Variants in NELL1 observed in about 807,000 individuals in gnomAD.
The protein encoded by NELL1 is neural EGFL like 1, also known as protein kinase C-binding protein NELL1.
NELL1 carries 76 observed loss-of-function variants against 107.4 expected under a neutral mutation model. That is an observed-to-expected ratio of 0.71 (90% CI 0.59 to 0.86). The LOEUF (loss-of-function observed/expected upper bound fraction) is 0.86, where lower values mean the gene tolerates loss of function less well. Among genes scored for constraint, NELL1 ranks in the 40% least tolerant of loss-of-function variants. The probability of loss-of-function intolerance (pLI) is 0.00; values close to 1 mark genes in which losing one functional copy is unlikely to be tolerated. For missense variants in NELL1, 1,024 were observed against 1,005.5 expected (o/e 1.02, Z -0.25); for synonymous variants, 353 against 341.2 (o/e 1.03, Z -0.38).
At chr11:21,471,050 A>G (rs1350249964) in intron 15 of NELL1, among the ~76,000 whole-genome samples, 2 of 152,142 alleles carry the variant, frequency 1.3e-5, no homozygotes, top group Non-Finnish European at 2.9e-5. Flanking sequence ...AATCCTTTTA[A>G]GACCACAGCA....
intron 12 of NELL1, among the ~76,000 whole-genome samples, chr11:21,105,403 T>TC (rs1271441085): frequency 5.3e-5 from 8 of 152,118 alleles, no homozygotes; most frequent in African/African-American, 1.9e-4. Context: ...GGTGTTTACG[T>TC]CACACTCAAG....
At chr11:20,836,436 T>C (rs538597296) in intron 3 of NELL1, among the ~76,000 whole-genome samples, 4 of 152,110 alleles carry the variant, frequency 2.6e-5, no homozygotes, top group Admixed American at 6.5e-5. Context: ...AATCAAGGAA[T>C]TGCACTTCTA....
At chr11:20,747,454 A>C (rs1856030018) in intron 2 of NELL1, among the ~76,000 whole-genome samples, 1 of 152,200 alleles carries the variant, frequency 6.6e-6, no homozygotes, top group African/African-American at 2.4e-5. Flanking sequence ...CAGATGTCTT[A>C]GTCCATTTTC....
At chr11:21,248,744 G>A (rs1303254195) in intron 14 of NELL1, among the ~76,000 whole-genome samples, 2 of 152,156 alleles carry the variant, frequency 1.3e-5, no homozygotes, top group Non-Finnish European at 2.9e-5. Flanking sequence ...TATGGATTTA[G>A]CATTGGAACT....
intron 13 of NELL1, among the ~76,000 whole-genome samples, chr11:21,201,499 T>A (rs1325690801): frequency 6.6e-6 from 1 of 152,230 alleles, no homozygotes; most frequent in Non-Finnish European, 1.5e-5. Context: ...TTTGCAGAAG[T>A]TGTTTATCAG....
chr11:21,327,798 G>A (rs1850179437), intron 14 of NELL1, among the ~76,000 whole-genome samples: 1 of 152,146 alleles, frequency 6.6e-6, no homozygotes, highest in African/African-American at 2.4e-5. Flanking sequence ...GGTCTCGGAT[G>A]GAGATGAGGA....
intron 14 of NELL1, among the ~76,000 whole-genome samples, chr11:21,349,799 C>T (rs1013664126): frequency 6.6e-6 from 1 of 152,066 alleles, no homozygotes; most frequent in Non-Finnish European, 1.5e-5. Context: ...GAACATAAGT[C>T]TGAGATCCTA....
intron 12 of NELL1, among the ~76,000 whole-genome samples, chr11:21,020,650 A>G (rs1852676119): frequency 1.3e-5 from 2 of 152,014 alleles, no homozygotes; most frequent in South Asian, 2.1e-4. Context: ...CTGTCTCCCC[A>G]ACTGGTATCA....
intron 13 of NELL1, among the ~76,000 whole-genome samples, chr11:21,226,120 A>G (rs1269774263): frequency 1.3e-5 from 2 of 152,132 alleles, no homozygotes; most frequent in African/African-American, 4.8e-5. Context: ...AGAAAATGGT[A>G]TTTTCTTTGG....
chr11:21,243,830 G>A (rs1033434289), intron 14 of NELL1, among the ~76,000 whole-genome samples: 1 of 151,184 alleles, frequency 6.6e-6, no homozygotes. Context: ...TTCAGTGTAG[G>A]TTTAAATTAA....
intron 2 of NELL1, among the ~76,000 whole-genome samples, chr11:20,696,637 G>A (rs1371046809): frequency 6.6e-6 from 1 of 152,010 alleles, no homozygotes; most frequent in Non-Finnish European, 1.5e-5. Flanking sequence ...CTTATGTTTT[G>A]TTTGTGCCTG....
At chr11:20,951,952 G>C (rs1008051872) in intron 11 of NELL1, among the ~76,000 whole-genome samples, 2 of 151,862 alleles carry the variant, frequency 1.3e-5, no homozygotes, top group Admixed American at 6.6e-5. Context: ...GTGTGCACTG[G>C]AATAACATCT....
At chr11:21,377,582 C>CT (rs1283101056) in intron 15 of NELL1, among the ~76,000 whole-genome samples, 3 of 151,920 alleles carry the variant, frequency 2.0e-5, no homozygotes, top group South Asian at 2.1e-4. Flanking sequence ...GGAAGAGTCC[C>CT]TTTTTTTGAT....
At chr11:21,222,377 T>C (rs1274206736) in intron 13 of NELL1, among the ~76,000 whole-genome samples, 2 of 151,498 alleles carry the variant, frequency 1.3e-5, no homozygotes, top group African/African-American at 4.8e-5. Flanking sequence ...TTTTTTTTTT[T>C]AGTAGAGACG....
chr11:21,458,484 C>T (rs1853807778), intron 15 of NELL1, among the ~76,000 whole-genome samples: 1 of 151,930 alleles, frequency 6.6e-6, no homozygotes, highest in African/African-American at 2.4e-5. Context: ...ACAAAGAAGG[C>T]ACAATTAAAT....
intron 14 of NELL1, among the ~76,000 whole-genome samples, chr11:21,355,378 G>C (rs913127184): frequency 6.6e-6 from 1 of 152,198 alleles, no homozygotes; most frequent in Non-Finnish European, 1.5e-5. Context: ...CACTCACTAT[G>C]GGTGGGCACT....
chr11:21,204,393 G>C (rs1857343243), intron 13 of NELL1, among the ~76,000 whole-genome samples: 1 of 151,432 alleles, frequency 6.6e-6, no homozygotes, highest in African/African-American at 2.4e-5. Context: ...TCTTCTGCTT[G>C]ATCTATTCAG....
intron 5 of NELL1, among the ~76,000 whole-genome samples, chr11:20,909,791 A>G (rs1850084375): frequency 6.6e-6 from 1 of 152,048 alleles, no homozygotes. Flanking sequence ...TGTGCCCAGG[A>G]CAGTTTTCAT....
chr11:21,126,724 A>G (rs193062909), intron 13 of NELL1, among the ~76,000 whole-genome samples: 7 of 152,292 alleles, frequency 4.6e-5, no homozygotes, highest in African/African-American at 1.7e-4. Context: ...GCACCTTAAG[A>G]TACATTTGGA....
Sources: allele counts gnomAD v4.1 joint callset (sites outside exome capture counted in the v4.1 genomes callset), GRCh38; gene constraint gnomAD v4.1.1; transcripts MANE v1.5; gene names NCBI Gene and HGNC (gene_info 2026-07-23, HGNC 2026-07-21).